Variants in INF2 observed in about 807,000 individuals in gnomAD.
The protein encoded by INF2 is inverted formin-2.
Under a neutral mutation model 123.5 loss-of-function variants are expected in INF2, and 43 were observed. The observed-to-expected ratio is 0.35, with a 90% CI of 0.27 to 0.45. INF2 has a LOEUF of 0.45. Among genes scored for constraint, INF2 ranks in the 20% least tolerant of loss-of-function variants. INF2 has a pLI of 1.00. For missense variants in INF2, 1,453 were observed against 1,682.7 expected (o/e 0.86, Z 2.39); for synonymous variants, 851 against 745.0 (o/e 1.14, Z -2.32).
chr14:104,714,243 G>A lies in INF2; in HGVS notation c.3081G>A (p.Thr1027=), dbSNP rs1403428739. 34 of 1,574,846 alleles carry A rather than the reference G, an allele frequency of 2.2e-5. No homozygotes were observed. Among genetic ancestry groups the A allele is most frequent in the African/African-American group, 8.1e-5 (6 of 74,038 alleles). The change falls in exon 21 of 23, where the codon ACG becomes ACA. Residue 1027 remains threonine, a synonymous_variant. Transcript: ENST00000392634. ...CTGCAGGAGATCCCGTGGGCAGCAC[G>A]CGCTGTCCCGCCTCTGAGCCCGGCC... ...SNPAGDPVGS[T]RCPASEPGLD...
At position 104,699,814 on chromosome 14, in the gene INF2, T is replaced by C. The variant is rs1407603726; in HGVS notation, c.-9-1543T>C. 2.0e-5 allele frequency among the ~76,000 whole-genome samples: 3 copies of C among 151,778 alleles called. No homozygotes were observed. The highest frequency in any genetic ancestry group is 4.4e-5 in the Non-Finnish European group (3 of 67,916). ...GAAACTGAGGCCCAGGCAGGATGAG[T>C]GACTGGGCCAAGGTCTGCTGGTGAG... On this transcript the variant is annotated intron_variant, in intron 1 of 22. Transcript: ENST00000392634. The surrounding 1 kb of genome is among the most constrained non-coding windows in gnomAD (Gnocchi z 4.7).
chr14:104,699,480 G>C lies in INF2; in HGVS notation c.-9-1877G>C, dbSNP rs74091124. The C allele has an allele frequency of 1.3e-4, 127 of 985,210 alleles. No individual in the cohort carries two copies. The highest frequency in any genetic ancestry group is 1.5e-4 in the Non-Finnish European group (122 of 829,918). 61.0% of individuals were successfully genotyped at this position (985,210 alleles called of 1,614,324 possible). A position where few individuals can be genotyped will look rare whatever the true frequency, so the allele number is the denominator to read the frequency against. On this transcript the variant is annotated intron_variant, in intron 1 of 22. Coordinates refer to ENST00000392634, the MANE Select transcript of INF2 (RefSeq NM_022489.4). The surrounding 1 kb of genome is among the most constrained non-coding windows in gnomAD (Gnocchi z 4.7). Reference sequence around the variant, plus strand: ...ACCTGAGGCTGCCTGGGAGGGACCCGGCTGTCTCTGGCAGCTCAGCGGTCA... The same window carrying C: ...ACCTGAGGCTGCCTGGGAGGGACCCCGCTGTCTCTGGCAGCTCAGCGGTCA...
intron 15 of INF2, 130 bp from the exon 16 acceptor site, chr14:104,711,499 G>C: frequency 1.2e-6 from 1 of 810,974 alleles, no homozygotes; most frequent in East Asian, 2.6e-5. Context: ...GGAAAGATTT[G>C]AGGGTCTGGA....
chr14:104,709,385 T>G lies in INF2; in HGVS notation c.2052+2T>G. On this transcript the variant is annotated splice_donor_variant, in intron 11 of 22. Coordinates refer to ENST00000392634, the MANE Select transcript of INF2 (RefSeq NM_022489.4). LOFTEE classifies it high-confidence loss of function. Reference sequence around the variant, plus strand: ...AAGCTCCTTCCCGAGAAGCACGAGGTAAGAGGACCACCCCCACACCCCACC... The same window carrying G: ...AAGCTCCTTCCCGAGAAGCACGAGGGAAGAGGACCACCCCCACACCCCACC... 1 of 1,605,558 alleles carries G rather than the reference T, an allele frequency of 6.2e-7. No individual in the cohort carries two copies. Among genetic ancestry groups the G allele is most frequent in the South Asian group, 1.1e-5 (1 of 90,696 alleles).
chr14:104,689,106 G>A (rs1888791449), upstream of INF2: 1 of 659,442 alleles, frequency 1.5e-6, no homozygotes, highest in Non-Finnish European at 1.9e-6. Context: ...CGGAGAGGAG[G>A]CCACATGGGT....
At chr14:104,702,599 C>T (rs1415294816) in intron 2 of INF2, among the ~76,000 whole-genome samples, 1 of 152,204 alleles carries the variant, frequency 6.6e-6, no homozygotes, top group African/African-American at 2.4e-5. Context: ...CCAGAGGCGC[C>T]TCGTTTCTGT....
intron 1 of INF2, chr14:104,700,989 C>T: frequency 2.1e-6 from 1 of 469,766 alleles, no homozygotes; most frequent in Non-Finnish European, 2.8e-6. Context: ...GCCAGGGGAG[C>T]CTCCCGCTCC....
At position 104,707,114 on chromosome 14, in the gene INF2, T is replaced by TG. The variant is rs370970975; in HGVS notation, c.985+72dup. On this transcript the variant is annotated intron_variant, in intron 7 of 22. Coordinates refer to ENST00000392634, the MANE Select transcript of INF2 (RefSeq NM_022489.4). ...GGGCAGACACTGAGGTCTTAGACCATGGGGGGGGGAGCCTGCCCTTGGCCC... is the reference window on the plus strand; with the variant it reads ...GGGCAGACACTGAGGTCTTAGACCATGGGGGGGGGGAGCCTGCCCTTGGCCC... 3.9e-3 allele frequency: 5,243 copies of TG among 1,347,888 alleles called. 2 individuals are homozygous for TG. Among genetic ancestry groups the TG allele is most frequent in the South Asian group, 5.0e-3 (369 of 74,266 alleles). 83.5% of individuals were successfully genotyped at this position (1,347,888 alleles called of 1,614,324 possible).
chr14:104,702,127 C>T (rs1374802202), intron 2 of INF2, among the ~76,000 whole-genome samples: 2 of 152,138 alleles, frequency 1.3e-5, no homozygotes, highest in Non-Finnish European at 2.9e-5. Context: ...CGAATCCACC[C>T]GAGTGGCTCC....
Position 104,712,983 on chromosome 14 carries a change from C to T in INF2, c.2766C>T (p.Arg922=), listed in dbSNP as rs201044782. The T allele has an allele frequency of 7.1e-5, 115 of 1,612,480 alleles. No homozygotes were observed. The East Asian group carries it at 2.0e-3, about 28-fold the overall frequency. Residue 922 remains arginine, a synonymous_variant, in exon 18 of 23, where the codon CGC becomes CGT. Coordinates refer to ENST00000392634, the MANE Select transcript of INF2 (RefSeq NM_022489.4). ...AGGCTTTCCGGGACCTTTTCCTCCG[C>T]GCCCTGAAGGTGGGGCAGCCCGGCG... is the stretch of plus-strand genomic sequence containing the variant. The part of the protein sequence containing the change: ...TMKAFRDLFL[R]ALKENKDRKE...
intron 20 of INF2, 51 bp from the exon 21 acceptor site, chr14:104,714,151 GC>G: frequency 7.0e-7 from 1 of 1,431,198 alleles, no homozygotes; most frequent in Non-Finnish European, 9.2e-7. Flanking sequence ...CTGCACCTGG[GC>G]TGGCTCGGGG....
intron 1 of INF2, among the ~76,000 whole-genome samples, chr14:104,695,582 T>A (rs867200927): frequency 6.7e-6 from 1 of 149,758 alleles, no homozygotes; most frequent in Admixed American, 6.6e-5. Context: ...GCTTGCCGAC[T>A]CTCCTCCCAG....
In INF2 at chr14:104,684,330, AG is replaced by A. The variant is rs552536282; in HGVS notation, c.-104+2750del. On this transcript the variant is annotated intron_variant, in intron 1 of 2. Transcript: ENST00000674723. The surrounding 1 kb of genome is among the most constrained non-coding windows in gnomAD (Gnocchi z 5.0). ...TTAGCCTGCTCAGTGAGGTGCCCGA[AG>A]GAGGCCCACCAGCTCTGCCAGCACC... The A allele has an allele frequency of 5.4e-4, 175 of 326,692 alleles. 4 individuals carry two copies. Among genetic ancestry groups the A allele is most frequent in the South Asian group, 4.1e-3 (169 of 40,952 alleles). The allele number at this position is 326,692 out of a possible 1,614,324, so 20.2% of individuals were successfully genotyped here.
intron 15 of INF2, 65 bp downstream of exon 15, chr14:104,711,251 G>T (rs995644233): frequency 2.2e-6 from 3 of 1,347,694 alleles, no homozygotes; most frequent in Middle Eastern, 2.2e-4. Flanking sequence ...GGGTGTAGAG[G>T]CGTAGAGGCC....
chr14:104,684,038 G>T lies in INF2; in HGVS notation c.-104+2456G>T, dbSNP rs918213653. ...AAATTCCCAACACCAGGGTTGCAAG[G>T]CCCAGTGTCTTCTCACCTCGTTAGG... On this transcript the variant is annotated intron_variant, in intron 1 of 2. Coordinates refer to the INF2 transcript ENST00000674723. This position sits in a 1 kb window ranked among gnomAD's most constrained non-coding sequence, Gnocchi z 5.0. 2 of 455,896 alleles carry T rather than the reference G, an allele frequency of 4.4e-6. No homozygotes were observed. Among genetic ancestry groups the T allele is most frequent in the Non-Finnish European group, 8.8e-6 (2 of 226,764 alleles). 28.2% of individuals were successfully genotyped at this position (455,896 alleles called of 1,614,324 possible).
chr14:104,698,924 GCCAGGCAC>G (rs2140627451), intron 1 of INF2, among the ~76,000 whole-genome samples: 2 of 152,326 alleles, frequency 1.3e-5, no homozygotes, highest in South Asian at 4.1e-4. Context: ...CAGACACAGA[GCCAGGCAC>G]CCAGGCACGG....
At position 104,701,619 on chromosome 14, in the gene INF2, C is replaced by G. The variant is rs1317776692; in HGVS notation, c.254C>G (p.Ser85Trp). 2 of 1,602,810 alleles carry G rather than the reference C, an allele frequency of 1.2e-6. No homozygotes were observed. Among genetic ancestry groups the G allele is most frequent in the Admixed American group, 1.7e-5 (1 of 59,616 alleles). The change falls in exon 2 of 23, where the codon TCG (serine) becomes TGG (tryptophan). Residue 85 changes from serine (S) to tryptophan (W), a missense_variant. Ser to Trp is a radical substitution (Grantham distance 177). Transcript: ENST00000392634. ...DLLLEALARL[S>W]GRGVARISDA... ...CTGCTGGAGGCGCTGGCGCGGCTGT[C>G]GGGCCGCGGCGTTGCACGTATCTCC...
intron 2 of INF2, 105 bp from the exon 3 acceptor site, chr14:104,703,000 C>G: frequency 3.3e-6 from 3 of 901,522 alleles, no homozygotes. Context: ...CCGGCACCCC[C>G]TGGCGTCTGC....
At chr14:104,702,638 G>A (rs1311923775) in intron 2 of INF2, among the ~76,000 whole-genome samples, 2 of 152,224 alleles carry the variant, frequency 1.3e-5, no homozygotes, top group African/African-American at 2.4e-5. Context: ...GCAGGTGTAG[G>A]GGCCAGCCAT....
Sources: allele counts gnomAD v4.1 joint callset (sites outside exome capture counted in the v4.1 genomes callset), GRCh38; gene constraint gnomAD v4.1.1; non-coding constraint Gnocchi (gnomAD v3.1); transcripts MANE v1.5; gene names NCBI Gene and HGNC (gene_info 2026-07-23, HGNC 2026-07-21).